The following KLHL29 variants were observed in gnomAD, a reference collection of about 807,000 sequenced individuals.
KLHL29 encodes the protein kelch like family member 29.
A neutral mutation model predicts 80.4 loss-of-function variants in KLHL29; 21 were observed. The observed-to-expected ratio is 0.26, with a 90% CI of 0.19 to 0.38. KLHL29 has a LOEUF of 0.38. Ranked by LOEUF, KLHL29 falls within the 10% of genes least tolerant of loss-of-function variation. KLHL29 has a pLI of 1.00. For synonymous variants in KLHL29, 511 were observed against 526.8 expected, an observed-to-expected ratio of 0.97 and a Z score of 0.41; for missense variants, 867 against 1,223.9, an observed-to-expected ratio of 0.71 and a Z score of 4.35.
chr2:23,491,035 G>C (rs1213365232), intron 2 of KLHL29, among the ~76,000 whole-genome samples: 2 of 152,114 alleles, frequency 1.3e-5, no homozygotes, highest in Non-Finnish European at 2.9e-5. Context: ...CATGTGCCAT[G>C]GTGGTTTGCT....
chr2:23,419,421 C>T (rs1279726433), intron 1 of KLHL29, among the ~76,000 whole-genome samples: 1 of 152,058 alleles, frequency 6.6e-6, no homozygotes, highest in African/African-American at 2.4e-5. Flanking sequence ...GCTGCAGGGC[C>T]GTCTGTGGCC....
chr2:23,634,626 T>C (rs1373578296), intron 3 of KLHL29, among the ~76,000 whole-genome samples: 2 of 152,132 alleles, frequency 1.3e-5, no homozygotes, highest in African/African-American at 2.4e-5. Context: ...TGTCCATGCC[T>C]TCATCACACC....
intron 1 of KLHL29, among the ~76,000 whole-genome samples, chr2:23,427,776 A>G (rs1663044803): frequency 6.6e-6 from 1 of 152,152 alleles, no homozygotes; most frequent in Non-Finnish European, 1.5e-5. Flanking sequence ...GTGTATGAGC[A>G]AGGTCCTTGA....
rs554907955 is a variant in KLHL29, at chr2:23,703,771, C to T, written c.2352C>T (p.Gly784=). 97 of 1,537,270 alleles carry T rather than the reference C, an allele frequency of 6.3e-5. No homozygotes were observed. The highest frequency in any genetic ancestry group is 3.9e-4 in the East Asian group (16 of 40,916). ...TCAATGGCTTCGTTTTCATCCTGGG[C>T]GGGGCTTATGCCAGAGCTACCACCA... is the stretch of plus-strand genomic sequence containing the variant. The part of the protein sequence containing the change: ...VTLNGFVFIL[G]GAYARATTIY... The change falls in exon 13 of 14, where the codon GGC becomes GGT. Residue 784 remains glycine (G), a synonymous_variant. Transcript: ENST00000486442.
intron 1 of KLHL29, among the ~76,000 whole-genome samples, chr2:23,400,634 T>G (rs1461358195): frequency 1.3e-5 from 2 of 150,936 alleles, no homozygotes; most frequent in Non-Finnish European, 3.0e-5. Flanking sequence ...TTAATAAAGG[T>G]CAACTTGGGA....
At chr2:23,500,122 C>T (rs1420279647) in intron 2 of KLHL29, among the ~76,000 whole-genome samples, 1 of 152,184 alleles carries the variant, frequency 6.6e-6, no homozygotes, top group African/African-American at 2.4e-5. Flanking sequence ...ATATTCTCCC[C>T]AGCCCTTCCC....
At chr2:23,632,800 T>C (rs902687617) in intron 3 of KLHL29, among the ~76,000 whole-genome samples, 2 of 152,166 alleles carry the variant, frequency 1.3e-5, no homozygotes, top group Non-Finnish European at 2.9e-5. Context: ...CAAATCCCCA[T>C]TCCTCTGCCA....
intron 3 of KLHL29, among the ~76,000 whole-genome samples, chr2:23,583,874 G>C (rs1668047441): frequency 6.6e-6 from 1 of 152,176 alleles, no homozygotes; most frequent in South Asian, 2.1e-4. Flanking sequence ...AATTCTCTTT[G>C]CTGCCATCTC....
intron 1 of KLHL29, among the ~76,000 whole-genome samples, chr2:23,393,014 G>A (rs1275487491): frequency 6.6e-6 from 1 of 152,176 alleles, no homozygotes; most frequent in Non-Finnish European, 1.5e-5. Flanking sequence ...AATGGCGTCT[G>A]TTTCCATCTT....
chr2:23,472,762 T>C (rs1664533649), intron 1 of KLHL29, among the ~76,000 whole-genome samples: 2 of 152,230 alleles, frequency 1.3e-5, no homozygotes, highest in Admixed American at 1.3e-4. Flanking sequence ...CTAAAAAGAA[T>C]GGGAAACAGA....
intron 1 of KLHL29, among the ~76,000 whole-genome samples, chr2:23,406,327 CAAA>C (rs776095410): frequency 2.2e-5 from 1 of 45,506 alleles, no homozygotes; most frequent in African/African-American, 7.6e-5. Context: ...GACTCCATCT[CAAA>C]AAAAAAAAAA....
At chr2:23,687,184 T>C (rs1232711748) in intron 6 of KLHL29, among the ~76,000 whole-genome samples, 1 of 151,490 alleles carries the variant, frequency 6.6e-6, no homozygotes, top group Non-Finnish European at 1.5e-5. Context: ...GGGGAGGGAG[T>C]AGGGACCTTC....
intron 2 of KLHL29, chr2:23,532,450 T>TGCACCCAGGGCA (rs374172155): frequency 2.4e-6 from 1 of 409,872 alleles, no homozygotes; most frequent in African/African-American, 2.0e-5. Flanking sequence ...ACGCACCCTC[T>TGCACCCAGGGCA]GCACCCAGGG....
intron 3 of KLHL29, among the ~76,000 whole-genome samples, chr2:23,584,250 C>T (rs1668061711): frequency 6.6e-6 from 1 of 152,200 alleles, no homozygotes; most frequent in Non-Finnish European, 1.5e-5. Context: ...GTTTACCCAG[C>T]TGTTGCTGGT....
chr2:23,488,170 A>G (rs945051954), intron 2 of KLHL29, among the ~76,000 whole-genome samples: 5 of 152,148 alleles, frequency 3.3e-5, no homozygotes, highest in Admixed American at 3.3e-4. Context: ...TCGCAATAAC[A>G]CACCTCCTGC....
At chr2:23,574,897 C>A (rs1667805280) in intron 3 of KLHL29, among the ~76,000 whole-genome samples, 1 of 152,092 alleles carries the variant, frequency 6.6e-6, no homozygotes, top group Non-Finnish European at 1.5e-5. Context: ...GATGATGGGT[C>A]TTCATGCAGA....
At chr2:23,409,592 A>G (rs183031069) in intron 1 of KLHL29, among the ~76,000 whole-genome samples, 3 of 152,362 alleles carry the variant, frequency 2.0e-5, no homozygotes, top group East Asian at 1.9e-4. Context: ...ACTATCTCCT[A>G]TGAAGCCAGA....
At chr2:23,548,680 G>A (rs552233076) in intron 2 of KLHL29, among the ~76,000 whole-genome samples, 27 of 152,202 alleles carry the variant, frequency 1.8e-4, no homozygotes, top group Non-Finnish European at 3.7e-4. Context: ...AGCAGTGAGC[G>A]CGTGGCAAGC....
intron 2 of KLHL29, among the ~76,000 whole-genome samples, chr2:23,498,416 G>C (rs1665333220): frequency 6.6e-6 from 1 of 152,198 alleles, no homozygotes. Context: ...TGACAAATCA[G>C]AACAAACACC....
Sources: allele counts gnomAD v4.1 joint callset (sites outside exome capture counted in the v4.1 genomes callset), GRCh38; gene constraint gnomAD v4.1.1; transcripts MANE v1.5; gene names NCBI Gene and HGNC (gene_info 2026-07-23, HGNC 2026-07-21).